The following WWC1 variants were observed in gnomAD, a reference collection of about 807,000 sequenced individuals.
The protein encoded by WWC1 is protein KIBRA.
In WWC1, 55 loss-of-function variants were observed where a neutral mutation model predicts 138.4. The ratio of observed to expected loss-of-function variants is 0.40; its 90% CI spans 0.32 to 0.50. The LOEUF (loss-of-function observed/expected upper bound fraction) is 0.50, where lower values mean the gene tolerates loss of function less well. WWC1 is among the 20% of genes least tolerant of loss of function. The pLI is 0.72. For synonymous variants in WWC1, 524 were observed against 564.9 expected (o/e 0.93, Z 1.03); for missense variants, 1,226 against 1,420.4 (o/e 0.86, Z 2.20).
chr5:168,427,714 A>G (rs1412122221), intron 11 of WWC1, among the ~76,000 whole-genome samples: 1 of 151,402 alleles, frequency 6.6e-6, no homozygotes, highest in African/African-American at 2.4e-5. Context: ...AACACTTTGG[A>G]AGGCCAAAGC....
intron 9 of WWC1, among the ~76,000 whole-genome samples, chr5:168,420,823 C>T (rs1313671589): frequency 6.6e-6 from 1 of 152,190 alleles, no homozygotes; most frequent in Non-Finnish European, 1.5e-5. Flanking sequence ...ATCTCGGTTA[C>T]ACCTCACAGC....
chr5:168,423,554 C>T lies in WWC1; in HGVS notation c.1296C>T (p.Ser432=). 1 of 1,612,976 alleles carries T rather than the reference C, an allele frequency of 6.2e-7. No individual in the cohort carries two copies. ...CCAGTCTCTCAAGCAGCATGCAGTCCCTGTCCTCAGGCAGCAGCCCCGGAT... is the reference window on the plus strand; with the variant it reads ...CCAGTCTCTCAAGCAGCATGCAGTCTCTGTCCTCAGGCAGCAGCCCCGGAT... ...QLKSLSSSMQ[S]LSSGSSPGSL... The change falls in exon 11 of 23, where the codon TCC becomes TCT. Residue 432 remains serine (S), a synonymous_variant. Transcript: ENST00000265293.
chr5:168,384,875 A>G (rs1259309047), intron 2 of WWC1, among the ~76,000 whole-genome samples: 1 of 151,662 alleles, frequency 6.6e-6, no homozygotes, highest in Non-Finnish European at 1.5e-5. Flanking sequence ...CTGCCACCAT[A>G]CTGGCTAATT....
chr5:168,324,223 C>G (rs1772347702), intron 1 of WWC1, among the ~76,000 whole-genome samples: 1 of 152,170 alleles, frequency 6.6e-6, no homozygotes, highest in African/African-American at 2.4e-5. Flanking sequence ...ATCATGACGT[C>G]AGGAGTTTGA....
chr5:168,351,127 A>G (rs962503985), intron 1 of WWC1, among the ~76,000 whole-genome samples: 1 of 151,450 alleles, frequency 6.6e-6, no homozygotes, highest in Non-Finnish European at 1.5e-5. Context: ...AGCCTGGGCA[A>G]CAGTGAGACC....
intron 20 of WWC1, among the ~76,000 whole-genome samples, chr5:168,464,171 A>G (rs1441557962): frequency 6.6e-6 from 1 of 152,108 alleles, no homozygotes; most frequent in African/African-American, 2.4e-5. Flanking sequence ...TGGGGAAACA[A>G]ATGGTGGACA....
intron 9 of WWC1, among the ~76,000 whole-genome samples, chr5:168,418,791 G>C (rs1406064719): frequency 1.3e-5 from 2 of 152,064 alleles, no homozygotes; most frequent in Non-Finnish European, 2.9e-5. Flanking sequence ...GACCTCAACT[G>C]TTCCTGAGCT....
chr5:168,335,510 G>A lies in WWC1; in HGVS notation c.120-35914G>A, dbSNP rs75864305. Reference sequence around the variant, plus strand: ...TCCTGGGCAATGTACTAAGCACTTTGTGTATCTCATTTGAGCTGGACCTCC... The same window carrying A: ...TCCTGGGCAATGTACTAAGCACTTTATGTATCTCATTTGAGCTGGACCTCC... On this transcript the variant is annotated intron_variant, in intron 1 of 22. Transcript: ENST00000265293. Among the ~76,000 whole-genome samples, 94 of 152,334 alleles carry A rather than the reference G, an allele frequency of 6.2e-4. 1 individual carries two copies. The East Asian group carries it at 0.016, about 26-fold the overall frequency.
In WWC1 at chr5:168,291,807, C is replaced by G. The variant is rs1012710206; in HGVS notation, c.-346C>G. 6.6e-6 allele frequency: 1 copy of G among 151,052 alleles called. No homozygotes were observed. Among genetic ancestry groups the G allele is most frequent in the Non-Finnish European group, 1.5e-5 (1 of 67,918 alleles). The allele number at this position is 151,052 out of a possible 1,614,324, so 9.4% of individuals were successfully genotyped here. A position where few individuals can be genotyped will look rare whatever the true frequency, so the allele number is the denominator to read the frequency against. ...GGCAGCGGCGGCGTGGAGGGCGCAGCGCGCCGCGCGGCGGAGGAGGGCAGA... is the reference window on the plus strand; with the variant it reads ...GGCAGCGGCGGCGTGGAGGGCGCAGGGCGCCGCGCGGCGGAGGAGGGCAGA... On this transcript the variant is annotated 5_prime_UTR_variant, in exon 1 of 23. Transcript: ENST00000265293.
At chr5:168,415,601 G>C (rs1780543980) in intron 9 of WWC1, 1 of 152,126 alleles carries the variant, frequency 6.6e-6, no homozygotes, top group South Asian at 2.1e-4. Context: ...ATTCATTTGA[G>C]AAACCTTTTG....
chr5:168,467,214 C>T (rs1378483885), intron 21 of WWC1, among the ~76,000 whole-genome samples: 1 of 152,212 alleles, frequency 6.6e-6, no homozygotes, highest in East Asian at 1.9e-4. Flanking sequence ...GCCGAGATTG[C>T]GCCCCTACAC....
intron 19 of WWC1, among the ~76,000 whole-genome samples, chr5:168,459,662 A>G (rs189626912): frequency 5.9e-5 from 9 of 152,278 alleles, no homozygotes; most frequent in East Asian, 3.9e-4. Context: ...CCCAGTGGCT[A>G]TTTCATCAGT....
chr5:168,460,609 A>C (rs1213981844), intron 19 of WWC1, 41 bp from the exon 20 acceptor site: 1 of 1,604,544 alleles, frequency 6.2e-7, no homozygotes, highest in Non-Finnish European at 8.5e-7. Context: ...TCCAGAATGC[A>C]CTCTGACCAT....
At chr5:168,386,693 G>T (rs916747183) in intron 3 of WWC1, among the ~76,000 whole-genome samples, 1 of 145,422 alleles carries the variant, frequency 6.9e-6, no homozygotes, top group Non-Finnish European at 1.5e-5. Flanking sequence ...CCGTGCCCTC[G>T]CTCTGTTGCC....
intron 16 of WWC1, 108 bp downstream of exon 16, chr5:168,441,942 A>G (rs1330769729): frequency 3.5e-6 from 5 of 1,437,052 alleles, no homozygotes; most frequent in Non-Finnish European, 4.6e-6. Context: ...GAGGAGAACA[A>G]TGGGGTGGAG....
chr5:168,399,224 T>TCTA (rs1204452768), intron 4 of WWC1, among the ~76,000 whole-genome samples: 1 of 69,074 alleles, frequency 1.4e-5, no homozygotes, highest in Non-Finnish European at 3.0e-5. Flanking sequence ...TCAGCTCCTG[T>TCTA]CCACCTGTTT....
In WWC1 at chr5:168,303,936, C is replaced by T. The variant is rs74882604; in HGVS notation, c.119+11665C>T. Among the ~76,000 whole-genome samples, 1,019 of 152,332 alleles carry T rather than the reference C, an allele frequency of 6.7e-3. 44 individuals carry two copies. The highest frequency in any genetic ancestry group is 0.054 in the Admixed American group (820 of 15,298). On this transcript the variant is annotated intron_variant, in intron 1 of 22. Coordinates refer to ENST00000265293, the MANE Select transcript of WWC1 (RefSeq NM_015238.3). The stretch of plus-strand genomic sequence containing the variant: ...AGCCCTCTAGGGAGGCCTTATCCAC[C>T]GCTATTCCCCTAGACCACTGCTTCA...
At position 168,363,203 on chromosome 5, in the gene WWC1, C is replaced by T. The variant is rs559234626; in HGVS notation, c.120-8221C>T. On this transcript the variant is annotated intron_variant, in intron 1 of 22. Transcript: ENST00000265293. ...ACCAAATCCAATTCAGCTACTGTCTCCTACCTTCTCCCATTTAACTTTCTA... is the reference window on the plus strand; with the variant it reads ...ACCAAATCCAATTCAGCTACTGTCTTCTACCTTCTCCCATTTAACTTTCTA... Among the ~76,000 whole-genome samples, 11 of 152,232 alleles carry T rather than the reference C, an allele frequency of 7.2e-5. 1 individual carries two copies. Among genetic ancestry groups the T allele is most frequent in the African/African-American group, 2.6e-4 (11 of 41,536 alleles).
intron 14 of WWC1, 102 bp downstream of exon 14, chr5:168,430,325 C>A: frequency 1.1e-6 from 1 of 917,742 alleles, no homozygotes; most frequent in Non-Finnish European, 1.7e-6. Flanking sequence ...TGGGCCTTGT[C>A]AAGGCACTGT....
Sources: allele counts gnomAD v4.1 joint callset (sites outside exome capture counted in the v4.1 genomes callset), GRCh38; gene constraint gnomAD v4.1.1; transcripts MANE v1.5; gene names NCBI Gene and HGNC (gene_info 2026-07-23, HGNC 2026-07-21).